Variants in KCNH7 observed in about 807,000 individuals in gnomAD.
The protein encoded by KCNH7 is voltage-gated inwardly rectifying potassium channel KCNH7.
A neutral mutation model predicts 120.8 loss-of-function variants in KCNH7; 49 were observed. The ratio of observed to expected loss-of-function variants is 0.41; its 90% CI spans 0.32 to 0.51. KCNH7 has a LOEUF of 0.51. KCNH7 is among the 20% of genes least tolerant of loss of function. KCNH7 has a pLI of 0.38. For missense variants in KCNH7, 1,097 were observed against 1,446.6 expected, an observed-to-expected ratio of 0.76 and a Z score of 3.92; for synonymous variants, 547 against 516.1, an observed-to-expected ratio of 1.06 and a Z score of -0.81.
rs148808945 is a variant in KCNH7, at chr2:162,735,097, AC to A, written c.307+101439del. 2.8e-3 allele frequency among the ~76,000 whole-genome samples: 430 copies of A among 152,330 alleles called. 2 individuals are homozygous for A. Among genetic ancestry groups the A allele is most frequent in the African/African-American group, 9.8e-3 (408 of 41,576 alleles). On this transcript the variant is annotated intron_variant, in intron 2 of 15. Transcript: ENST00000332142. ...TAAGCAATGGCTATGATCTGTCTAGACATGCAAGACACACTGCTCACCAATC... is the reference window on the plus strand; with the variant it reads ...TAAGCAATGGCTATGATCTGTCTAGAATGCAAGACACACTGCTCACCAATC...
At chr2:162,494,385 C>A (rs1254991385) in intron 6 of KCNH7, among the ~76,000 whole-genome samples, 3 of 151,942 alleles carry the variant, frequency 2.0e-5, no homozygotes, top group African/African-American at 7.3e-5. Flanking sequence ...CTTTCCTGAC[C>A]CCTAACTTTT....
At chr2:162,437,166 T>C (rs1320148393) in intron 7 of KCNH7, among the ~76,000 whole-genome samples, 4 of 152,120 alleles carry the variant, frequency 2.6e-5, no homozygotes, top group African/African-American at 9.7e-5. Context: ...TGTTTTTCCC[T>C]TGTGCCATAG....
intron 2 of KCNH7, among the ~76,000 whole-genome samples, chr2:162,731,122 C>T (rs1399136233): frequency 6.6e-6 from 1 of 150,798 alleles, no homozygotes; most frequent in African/African-American, 2.4e-5. Context: ...AAAAAGAAAA[C>T]AAAATCATAA....
chr2:162,824,941 G>T (rs1374305817), intron 2 of KCNH7, among the ~76,000 whole-genome samples: 6 of 151,834 alleles, frequency 4.0e-5, no homozygotes, highest in Admixed American at 3.9e-4. Flanking sequence ...TCTTTCATTA[G>T]TTATAATTTT....
chr2:162,496,495 C>A (rs1028911656), intron 6 of KCNH7, among the ~76,000 whole-genome samples: 3 of 152,040 alleles, frequency 2.0e-5, no homozygotes, highest in Admixed American at 6.6e-5. Context: ...CCTTTGTATT[C>A]AACTGAGAAG....
chr2:162,540,874 C>T (rs895801365), intron 2 of KCNH7, among the ~76,000 whole-genome samples: 8 of 152,066 alleles, frequency 5.3e-5, no homozygotes, highest in Non-Finnish European at 7.4e-5. Flanking sequence ...TACTGCAATA[C>T]TCTTGGTAAG....
chr2:162,799,455 A>G (rs923348769), intron 2 of KCNH7, among the ~76,000 whole-genome samples: 5 of 151,974 alleles, frequency 3.3e-5, no homozygotes, highest in Non-Finnish European at 5.9e-5. Flanking sequence ...TTTTTTAAAG[A>G]TAAGGTAAAT....
At chr2:162,807,014 GAAAGT>G (rs1684562493) in intron 2 of KCNH7, among the ~76,000 whole-genome samples, 1 of 151,600 alleles carries the variant, frequency 6.6e-6, no homozygotes, top group Non-Finnish European at 1.5e-5. Flanking sequence ...TATAGAAATA[GAAAGT>G]AGAGTAATAA....
At chr2:162,494,274 T>A (rs1329739486) in intron 6 of KCNH7, among the ~76,000 whole-genome samples, 1 of 152,152 alleles carries the variant, frequency 6.6e-6, no homozygotes, top group African/African-American at 2.4e-5. Flanking sequence ...TTTGGCTAAA[T>A]AACTTAGGGT....
chr2:162,523,532 T>G (rs1421334877), intron 3 of KCNH7, among the ~76,000 whole-genome samples: 1 of 151,646 alleles, frequency 6.6e-6, no homozygotes, highest in East Asian at 2.0e-4. Flanking sequence ...TGCTACTATA[T>G]TCTCTCCCTC....
Position 162,627,735 on chromosome 2 carries a change from A to G in KCNH7, c.308-90655T>C, listed in dbSNP as rs531865608. 2.0e-5 allele frequency among the ~76,000 whole-genome samples: 3 copies of G among 152,322 alleles called. No individual in the cohort carries two copies. The South Asian group carries it at 6.2e-4, about 32-fold the overall frequency. ...TAATCTGGCCATGACATCTGTCACT[A>G]CATTGATTGCCAGGACAGACTTGCC... On this transcript the variant is annotated intron_variant, in intron 2 of 15. Transcript: ENST00000332142.
At chr2:162,815,575 C>G (rs1353649066) in intron 2 of KCNH7, among the ~76,000 whole-genome samples, 1 of 152,178 alleles carries the variant, frequency 6.6e-6, no homozygotes, top group East Asian at 1.9e-4. Flanking sequence ...GGTCAGGAAG[C>G]CCTGATGGGT....
chr2:162,458,843 A>G (rs1348670498), intron 6 of KCNH7, among the ~76,000 whole-genome samples: 1 of 151,838 alleles, frequency 6.6e-6, no homozygotes, highest in Non-Finnish European at 1.5e-5. Context: ...GTTTCTACAA[A>G]AAATACAAAA....
intron 2 of KCNH7, among the ~76,000 whole-genome samples, chr2:162,601,708 A>C (rs1219220370): frequency 6.6e-6 from 1 of 152,106 alleles, no homozygotes; most frequent in East Asian, 1.9e-4. Context: ...TTATCTTAGA[A>C]AGTTACATTA....
chr2:162,687,669 T>C (rs74330835), intron 2 of KCNH7, among the ~76,000 whole-genome samples: 1,633 of 152,198 alleles, frequency 0.011, 25 homozygotes, highest in African/African-American at 0.037. Context: ...CATTAGAACA[T>C]TGCTTGTTAG....
chr2:162,772,131 G>A (rs745757789), intron 2 of KCNH7: 5 of 152,166 alleles, frequency 3.3e-5, no homozygotes, highest in Non-Finnish European at 7.3e-5. Context: ...TGAATCTCAT[G>A]TTGTATAACC....
chr2:162,388,368 A>G (rs1219259013), intron 12 of KCNH7, among the ~76,000 whole-genome samples: 2 of 151,700 alleles, frequency 1.3e-5, no homozygotes, highest in Admixed American at 6.6e-5. Flanking sequence ...AAACACACAC[A>G]CACACACACA....
At chr2:162,392,620 A>G (rs890421593) in intron 12 of KCNH7, among the ~76,000 whole-genome samples, 13 of 152,032 alleles carry the variant, frequency 8.6e-5, no homozygotes, top group Middle Eastern at 3.2e-3. Flanking sequence ...CAGGGGGCCA[A>G]ATATTTTCCA....
intron 10 of KCNH7, among the ~76,000 whole-genome samples, chr2:162,398,822 C>A (rs1398407891): frequency 1.3e-5 from 2 of 151,816 alleles, no homozygotes; most frequent in Non-Finnish European, 2.9e-5. Context: ...TTAGTGAAAA[C>A]CTAACTTGAT....
Sources: gnomAD v4.1 joint callset for allele counts (sites outside exome capture counted in the v4.1 genomes callset) on GRCh38, gnomAD v4.1.1 for gene constraint, MANE v1.5 for transcripts, NCBI Gene and HGNC (gene_info 2026-07-23, HGNC 2026-07-21) for gene names.